Variants in SEM1 observed in about 807,000 individuals in gnomAD.
The protein encoded by SEM1 is 26S proteasome complex subunit SEM1.
Under a neutral mutation model 12.7 loss-of-function variants are expected in SEM1, and 3 were observed. The ratio of observed to expected loss-of-function variants is 0.24; its 90% CI spans 0.11 to 0.61. The LOEUF is 0.61. Ranked by LOEUF, SEM1 falls within the 20% of genes least tolerant of loss-of-function variation. SEM1 has a pLI of 0.88. For synonymous variants in SEM1, 30 were observed against 27.8 expected, an observed-to-expected ratio of 1.08 and a Z score of -0.25; for missense variants, 59 against 81.3, an observed-to-expected ratio of 0.73 and a Z score of 1.06.
chr7:96,681,901 G>A (rs1219202039), intron 2 of SEM1, among the ~76,000 whole-genome samples: 1 of 152,044 alleles, frequency 6.6e-6, no homozygotes, highest in East Asian at 1.9e-4. Context: ...ATTTAAAGTA[G>A]GTTTTTCCAA....
chr7:96,709,634 A>G, intron 1 of SEM1, 54 bp downstream of exon 1: 3 of 1,566,868 alleles, frequency 1.9e-6, no homozygotes, highest in Non-Finnish European at 2.6e-6. Flanking sequence ...CTACCTCCAC[A>G]CGGAGGCCTG....
In SEM1 at chr7:96,673,766, G is replaced by A. The variant is rs776472145; in HGVS notation, c.264C>T (p.Cys88=). The A allele has an allele frequency of 1.0e-5, 8 of 765,146 alleles. No homozygotes were observed. The South Asian group carries it at 1.1e-4, about 10-fold the overall frequency. 47.4% of individuals were successfully genotyped at this position (765,146 alleles called of 1,614,324 possible). A position where few individuals can be genotyped will look rare whatever the true frequency, so the allele number is the denominator to read the frequency against. Reference sequence around the variant, plus strand: ...CATACAGGTTGATGATCTGTTAACAGCAGAGGAAAGCACTGCACATTCTTC... The same window carrying A: ...CATACAGGTTGATGATCTGTTAACAACAGAGGAAAGCACTGCACATTCTTC... The change falls in exon 3 of 3, where the codon TGC becomes TGT. Residue 88 remains cysteine (C), a synonymous_variant. Transcript: ENST00000413065.
intron 2 of SEM1, among the ~76,000 whole-genome samples, chr7:96,528,430 A>G (rs1463915882): frequency 6.6e-6 from 1 of 152,096 alleles, no homozygotes; most frequent in Non-Finnish European, 1.5e-5. Flanking sequence ...GGACTCAAGC[A>G]ATCTGCCCGC....
intron 2 of SEM1, among the ~76,000 whole-genome samples, chr7:96,531,969 C>T (rs1020398876): frequency 6.6e-6 from 1 of 151,972 alleles, no homozygotes; most frequent in Non-Finnish European, 1.5e-5. Flanking sequence ...TGAAGACTTC[C>T]TCAATTCTTC....
chr7:96,648,262 G>T (rs753129396), intron 2 of SEM1, among the ~76,000 whole-genome samples: 1 of 152,140 alleles, frequency 6.6e-6, no homozygotes, highest in Non-Finnish European at 1.5e-5. Context: ...TATAGGTGGA[G>T]AAATTTTGGA....
intron 1 of SEM1, chr7:96,696,316 C>T (rs1790094884): frequency 6.6e-6 from 1 of 151,920 alleles, no homozygotes; most frequent in Non-Finnish European, 1.5e-5. Context: ...AGATTCATAA[C>T]AATACCTCTA....
chr7:96,678,329 T>C (rs945524729), intron 2 of SEM1, among the ~76,000 whole-genome samples: 2 of 152,146 alleles, frequency 1.3e-5, no homozygotes. Flanking sequence ...TCCAATTCTA[T>C]AAGTCTAACA....
chr7:96,695,465 G>C (rs1021730942), intron 1 of SEM1: 1 of 151,852 alleles, frequency 6.6e-6, no homozygotes, highest in Non-Finnish European at 1.5e-5. Flanking sequence ...TGGTAGAGGG[G>C]AGGTTTAGAT....
chr7:96,696,380 A>G lies in SEM1; in HGVS notation c.77-1489T>C, dbSNP rs148995818. 1.4e-4 allele frequency: 21 copies of G among 152,154 alleles called. No individual in the cohort carries two copies. The East Asian group carries it at 2.9e-3, about 21-fold the overall frequency. The allele number at this position is 152,154 out of a possible 1,614,324, so 9.4% of individuals were successfully genotyped here. ...TCATAGTTATGACACTACTGAGTAA[A>G]CAAAGACGAAAGAGCTGGCCAAATT... On this transcript the variant is annotated intron_variant, in intron 1 of 2. Coordinates refer to ENST00000248566, the MANE Select transcript of SEM1 (RefSeq NM_006304.2).
chr7:96,672,831 T>C (rs1222129349), downstream of SEM1: 5 of 152,138 alleles, frequency 3.3e-5, no homozygotes, highest in African/African-American at 9.7e-5. Flanking sequence ...AAGAAAACAT[T>C]TTTCAGCTGT....
intron 2 of SEM1, among the ~76,000 whole-genome samples, chr7:96,590,057 TTTA>T (rs1205982256): frequency 6.6e-6 from 1 of 152,214 alleles, no homozygotes; most frequent in Non-Finnish European, 1.5e-5. Context: ...CCAATTATAT[TTTA>T]TTTTTTACCA....
At chr7:96,551,272 A>C (rs1007323146) in intron 2 of SEM1, among the ~76,000 whole-genome samples, 1 of 152,168 alleles carries the variant, frequency 6.6e-6, no homozygotes, top group African/African-American at 2.4e-5. Flanking sequence ...CATTCCCCTA[A>C]AGATATGTTC....
At chr7:96,671,045 T>C (rs1270970047), downstream of SEM1, among the ~76,000 whole-genome samples, 1 of 152,196 alleles carries the variant, frequency 6.6e-6, no homozygotes, top group Non-Finnish European at 1.5e-5. Flanking sequence ...TTAAGCTGCA[T>C]GCACGACATT....
chr7:96,556,060 C>T (rs965020378), intron 2 of SEM1, among the ~76,000 whole-genome samples: 74 of 151,696 alleles, frequency 4.9e-4, no homozygotes, highest in Non-Finnish European at 8.8e-4. Flanking sequence ...TTCCTCCATC[C>T]TTTTATTTTG....
At chr7:96,659,930 A>AAAAAAAAAAAAC (rs147067197) in intron 2 of SEM1, among the ~76,000 whole-genome samples, 1 of 150,200 alleles carries the variant, frequency 6.7e-6, no homozygotes, top group Non-Finnish European at 1.5e-5. Flanking sequence ...AAAAAAAAAA[A>AAAAAAAAAAAAC]CAAAAACAAG....
At chr7:96,561,534 A>G (rs1292975280) in intron 2 of SEM1, among the ~76,000 whole-genome samples, 1 of 152,218 alleles carries the variant, frequency 6.6e-6, no homozygotes, top group Non-Finnish European at 1.5e-5. Flanking sequence ...TTCTCACTGT[A>G]GTCACTTTGG....
intron 2 of SEM1, among the ~76,000 whole-genome samples, chr7:96,692,009 A>C (rs959746702): frequency 6.6e-6 from 1 of 152,240 alleles, no homozygotes; most frequent in Admixed American, 6.5e-5. Context: ...GGCAAAAAAC[A>C]ACAACAGTGA....
chr7:96,606,414 A>G, intron 2 of SEM1, among the ~76,000 whole-genome samples: 1 of 152,196 alleles, frequency 6.6e-6, no homozygotes, highest in South Asian at 2.1e-4. Context: ...AGCTGAGCCT[A>G]CCACAGCAAG....
intron 2 of SEM1, among the ~76,000 whole-genome samples, chr7:96,635,657 T>C (rs1387405687): frequency 1.3e-5 from 2 of 152,140 alleles, no homozygotes; most frequent in East Asian, 1.9e-4. Context: ...GAGCACTACC[T>C]AGCTTGAAAA....
Sources: gnomAD v4.1 joint callset for allele counts (sites outside exome capture counted in the v4.1 genomes callset) on GRCh38, gnomAD v4.1.1 for gene constraint, MANE v1.5 for transcripts, NCBI Gene and HGNC (gene_info 2026-07-23, HGNC 2026-07-21) for gene names.